The following DOCK6 variants were observed in gnomAD, a reference collection of about 807,000 sequenced individuals.
The protein encoded by DOCK6 is dedicator of cytokinesis protein 6.
DOCK6 carries 167 observed loss-of-function variants against 230.3 expected under a neutral mutation model. The observed-to-expected ratio is 0.73, with a 90% confidence interval of 0.64 to 0.82. DOCK6 has a LOEUF of 0.82. DOCK6 is among the 40% of genes least tolerant of loss of function. DOCK6 has a pLI of 0.00. For missense variants in DOCK6, 2,598 were observed against 2,825.8 expected, an observed-to-expected ratio of 0.92 and a Z score of 1.83; for synonymous variants, 1,148 against 1,185.0, an observed-to-expected ratio of 0.97 and a Z score of 0.64.
rs892264084 is a variant in DOCK6 at position 11,236,717 on chromosome 19, C to G, written c.2160+76G>C. ...CCTGAGGCCAGACCTCCCCGGCCAT[C>G]GGCAACTGTTACTCAATCGTAGGGC... On this transcript the variant is annotated intron_variant, in intron 19 of 47. Transcript: ENST00000294618. This position sits in a 1 kb window ranked among gnomAD's most constrained non-coding sequence, Gnocchi z 5.2. The G allele has an allele frequency of 3.3e-6, 5 of 1,531,422 alleles. No homozygotes were observed. The highest frequency in any genetic ancestry group is 1.7e-4 in the Middle Eastern group (1 of 5,976). 94.9% of individuals were successfully genotyped at this position (1,531,422 alleles called of 1,614,324 possible). A position where few individuals can be genotyped will look rare whatever the true frequency, so the allele number is the denominator to read the frequency against.
At chr19:11,232,034 C>T (rs984057012) in intron 22 of DOCK6, 2 of 445,434 alleles carry the variant, frequency 4.5e-6, no homozygotes, top group African/African-American at 2.1e-5. Flanking sequence ...GATACCTAAA[C>T]ACAGACTTCA....
intron 1 of DOCK6, among the ~76,000 whole-genome samples, chr19:11,261,224 A>C (rs1400718411): frequency 1.3e-5 from 2 of 148,902 alleles, no homozygotes; most frequent in African/African-American, 2.5e-5. Flanking sequence ...AACCCTTCCC[A>C]CTCTTTCCCC....
intron 28 of DOCK6, among the ~76,000 whole-genome samples, chr19:11,218,529 C>T (rs551563172): frequency 2.6e-5 from 4 of 152,042 alleles, no homozygotes; most frequent in Non-Finnish European, 5.9e-5. Flanking sequence ...CTTACTGCAG[C>T]CTCAACCTCC....
intron 6 of DOCK6, among the ~76,000 whole-genome samples, chr19:11,250,368 C>T (rs567278758): frequency 1.0e-3 from 156 of 151,268 alleles, no homozygotes; most frequent in African/African-American, 3.6e-3. Context: ...GGCTGGAGTG[C>T]AGTGACGGTG....
intron 28 of DOCK6, among the ~76,000 whole-genome samples, chr19:11,219,771 G>A (rs1180990327): frequency 4.7e-5 from 7 of 148,476 alleles, no homozygotes; most frequent in African/African-American, 1.7e-4. Context: ...GCCTGGGCAA[G>A]AGCGAGACTC....
Position 11,217,048 on chromosome 19 carries a change from G to A in DOCK6, c.3760C>T (p.Leu1254=). 8 of 1,613,586 alleles carry A rather than the reference G, an allele frequency of 5.0e-6. No individual in the cohort carries two copies. The highest frequency in any genetic ancestry group is 6.8e-6 in the Non-Finnish European group (8 of 1,179,858). Reference sequence around the variant, plus strand: ...TTCAGCACCCACAGCACACACGCCAGCAAGGTCCGGCTTGACTCAGCAGAG... The same window carrying A: ...TTCAGCACCCACAGCACACACGCCAACAAGGTCCGGCTTGACTCAGCAGAG... ...ALSAESSRTL[L]ACVLWVLKNT... Residue 1254 remains leucine, a synonymous_variant, in exon 30 of 48, where the codon CTG becomes TTG. Transcript: ENST00000294618.
At chr19:11,221,729 G>T in intron 28 of DOCK6, 122 bp downstream of exon 28, 2 of 1,472,598 alleles carry the variant, frequency 1.4e-6, no homozygotes, top group Non-Finnish European at 1.9e-6. Flanking sequence ...ACTTTAACCT[G>T]CTCTGCTAAT....
At chr19:11,255,941 T>C (rs999383563) in intron 1 of DOCK6, among the ~76,000 whole-genome samples, 8 of 151,956 alleles carry the variant, frequency 5.3e-5, no homozygotes, top group African/African-American at 7.2e-5. Flanking sequence ...CGCCCACCAC[T>C]ACGCCCAGCT....
At chr19:11,251,552 A>C (rs1489036825) in intron 5 of DOCK6, 1 of 155,670 alleles carries the variant, frequency 6.4e-6, no homozygotes, top group African/African-American at 2.4e-5. Flanking sequence ...CCCTATGTAC[A>C]TCTAAAAATA....
At chr19:11,238,414 G>T in intron 14 of DOCK6, 110 bp from the exon 15 acceptor site, 1 of 1,016,204 alleles carries the variant, frequency 9.8e-7, no homozygotes, top group Non-Finnish European at 1.5e-6. Context: ...TCCAGGAAGA[G>T]TAGGTCATGA....
chr19:11,233,181 T>G (rs2079794830), intron 22 of DOCK6, 22 bp downstream of exon 22: 1 of 1,609,552 alleles, frequency 6.2e-7, no homozygotes, highest in East Asian at 2.2e-5. Context: ...GGCTGGAGAT[T>G]CCAGGGCCCC....
At chr19:11,230,395 CA>C (rs2079746222) in intron 22 of DOCK6, among the ~76,000 whole-genome samples, 1 of 152,072 alleles carries the variant, frequency 6.6e-6, no homozygotes, top group Non-Finnish European at 1.5e-5. Flanking sequence ...CACAGTACGC[CA>C]GTGACCAGTG....
At chr19:11,234,565 T>C (rs1389295460) in intron 21 of DOCK6, among the ~76,000 whole-genome samples, 1 of 151,374 alleles carries the variant, frequency 6.6e-6, no homozygotes, top group Non-Finnish European at 1.5e-5. Flanking sequence ...CCATTTTGTG[T>C]GGATTACTAT....
Position 11,203,843 on chromosome 19 carries a change from GTC to G in DOCK6, c.5235+236_5235+237del, listed in dbSNP as rs536253844. The G allele has an allele frequency of 2.0e-3, 1,173 of 597,408 alleles. 6 individuals are homozygous for G. Among genetic ancestry groups the G allele is most frequent in the Middle Eastern group, 3.1e-3 (7 of 2,226 alleles). 37.0% of individuals were successfully genotyped at this position (597,408 alleles called of 1,614,324 possible). On this transcript the variant is annotated intron_variant, in intron 41 of 47. Coordinates refer to ENST00000294618, the MANE Select transcript of DOCK6 (RefSeq NM_020812.4). The stretch of plus-strand genomic sequence containing the variant: ...AGCTGGCCCTGGCAGAGGGAGGGGT[GTC>G]TCTGGAGAGCTCCCAGCTGGGTGAG...
At chr19:11,255,545 C>G (rs1429297439) in intron 1 of DOCK6, among the ~76,000 whole-genome samples, 1 of 152,148 alleles carries the variant, frequency 6.6e-6, no homozygotes, top group African/African-American at 2.4e-5. Flanking sequence ...AACTCCTGAG[C>G]TCAAGCGATC....
intron 24 of DOCK6, among the ~76,000 whole-genome samples, chr19:11,226,462 C>G (rs2079665913): frequency 1.3e-5 from 2 of 152,174 alleles, no homozygotes; most frequent in South Asian, 4.1e-4. Context: ...AGTTCCAGAC[C>G]AGCCAGGCCA....
chr19:11,244,101 T>C (rs2079994939), intron 9 of DOCK6, among the ~76,000 whole-genome samples: 1 of 152,218 alleles, frequency 6.6e-6, no homozygotes, highest in South Asian at 2.1e-4. Flanking sequence ...GATCTACCCC[T>C]AACCTCCAAG....
At chr19:11,238,382 G>T in intron 14 of DOCK6, 78 bp from the exon 15 acceptor site, 3 of 1,357,922 alleles carry the variant, frequency 2.2e-6, no homozygotes, top group Non-Finnish European at 3.0e-6. Flanking sequence ...GATGGGACAA[G>T]GCTGGCTGGG....
rs780176826 is a variant in DOCK6, at chr19:11,208,675, C to G, written c.5088+11G>C. 5.6e-6 allele frequency: 9 copies of G among 1,607,428 alleles called. No individual in the cohort carries two copies. The Admixed American group carries it at 1.3e-4, about 24-fold the overall frequency. The stretch of plus-strand genomic sequence containing the variant: ...AGCCCCCTCTCCTGCACCCAGTCCC[C>G]AAGGCCTCACCATGGTGAAGTAGCC... On this transcript the variant is annotated intron_variant, in intron 39 of 47. Coordinates refer to ENST00000294618, the MANE Select transcript of DOCK6 (RefSeq NM_020812.4).
Sources: gnomAD v4.1 joint callset for allele counts (sites outside exome capture counted in the v4.1 genomes callset) on GRCh38, gnomAD v4.1.1 for gene constraint, Gnocchi (gnomAD v3.1) non-coding constraint, MANE v1.5 for transcripts, NCBI Gene and HGNC (gene_info 2026-07-23, HGNC 2026-07-21) for gene names.